Variants in TDRD3 observed in about 807,000 individuals in gnomAD.
TDRD3 encodes tudor domain containing 3.
Under a neutral mutation model 86.7 loss-of-function variants are expected in TDRD3, and 45 were observed. That is an observed-to-expected ratio of 0.52 (90% CI 0.41 to 0.67). The LOEUF is 0.67. Among genes scored for constraint, TDRD3 ranks in the 30% least tolerant of loss-of-function variants. TDRD3 has a pLI of 0.00. For missense variants in TDRD3, 814 were observed against 889.0 expected, an observed-to-expected ratio of 0.92 and a Z score of 1.07; for synonymous variants, 298 against 301.7, an observed-to-expected ratio of 0.99 and a Z score of 0.13.
intron 13 of TDRD3, among the ~76,000 whole-genome samples, chr13:60,569,991 G>A (rs1194102976): frequency 2.0e-5 from 3 of 152,146 alleles, no homozygotes; most frequent in Non-Finnish European, 4.4e-5. Context: ...AAACAGTCTA[G>A]GACATTGGTC....
intron 4 of TDRD3, among the ~76,000 whole-genome samples, chr13:60,465,925 T>C (rs1313439857): frequency 6.6e-6 from 1 of 152,174 alleles, no homozygotes; most frequent in African/African-American, 2.4e-5. Context: ...GCTTTTATTT[T>C]AGAACAGACC....
Position 60,494,477 on chromosome 13 carries a change from C to T in TDRD3, c.760C>T (p.Leu254Phe), listed in dbSNP as rs1359075525. ...GGGGGGARSN[L>F]NMNAAGNRNR... ...AGGTGGTGGTGGTGCTAGAAGTAAT[C>T]TCAATATGAATGCTGCTGGTAACCG... The change falls in exon 8 of 14, where the codon CTC becomes TTC. Residue 254 changes from leucine (L) to phenylalanine (F), a missense_variant. Transcript: ENST00000377881. The T allele has an allele frequency of 9.9e-6, 16 of 1,613,498 alleles. No homozygotes were observed. The highest frequency in any genetic ancestry group is 1.3e-5 in the Non-Finnish European group (15 of 1,179,766).
At chr13:60,455,765 A>T (rs1955654002) in intron 3 of TDRD3, among the ~76,000 whole-genome samples, 2 of 152,034 alleles carry the variant, frequency 1.3e-5, no homozygotes, top group Admixed American at 1.3e-4. Context: ...TCTCAAGAGA[A>T]TTAATAAGAT....
chr13:60,565,519 G>T (rs553300554), intron 12 of TDRD3, among the ~76,000 whole-genome samples: 27 of 152,214 alleles, frequency 1.8e-4, no homozygotes, highest in African/African-American at 6.0e-4. Flanking sequence ...ACAATAGATA[G>T]AAATAGATTT....
Position 60,503,048 on chromosome 13 carries a change from A to G in TDRD3, c.859-6715A>G, listed in dbSNP as rs559797107. Among the ~76,000 whole-genome samples, 13 of 152,344 alleles carry G rather than the reference A, an allele frequency of 8.5e-5. No individual in the cohort carries two copies. The South Asian group carries it at 2.5e-3, about 29-fold the overall frequency. On this transcript the variant is annotated intron_variant, in intron 8 of 13. Coordinates refer to ENST00000377881, the MANE Select transcript of TDRD3 (RefSeq NM_001146070.2). ...CTTATTCAATTATTAAAGGCTGTAA[A>G]TCGTTCAAAATAAGTTTCCTTGACT...
At chr13:60,428,988 AT>A (rs1373918980) in intron 1 of TDRD3, among the ~76,000 whole-genome samples, 1 of 152,166 alleles carries the variant, frequency 6.6e-6, no homozygotes, top group African/African-American at 2.4e-5. Flanking sequence ...ATAGAAAAAA[AT>A]ATCTAATTTA....
intron 1 of TDRD3, among the ~76,000 whole-genome samples, chr13:60,428,114 T>TTC (rs1954856230): frequency 6.6e-6 from 1 of 151,874 alleles, no homozygotes; most frequent in Non-Finnish European, 1.5e-5. Flanking sequence ...TGCCTCCAGC[T>TTC]TCATATGGCC....
At chr13:60,473,831 G>C (rs1956124896) in intron 5 of TDRD3, among the ~76,000 whole-genome samples, 1 of 152,186 alleles carries the variant, frequency 6.6e-6, no homozygotes, top group Non-Finnish European at 1.5e-5. Flanking sequence ...GCCCTCGCCT[G>C]GGAAGGTGCC....
intron 5 of TDRD3, among the ~76,000 whole-genome samples, chr13:60,473,924 C>T (rs567932303): frequency 6.6e-6 from 1 of 152,146 alleles, no homozygotes; most frequent in South Asian, 2.1e-4. Context: ...GAAAGGGAGT[C>T]TCCCTTTCCC....
intron 11 of TDRD3, among the ~76,000 whole-genome samples, chr13:60,529,587 A>T (rs1437550410): frequency 6.6e-6 from 1 of 152,176 alleles, no homozygotes; most frequent in Non-Finnish European, 1.5e-5. Context: ...ATCAGTTGAG[A>T]GGCACAAAGT....
intron 12 of TDRD3, among the ~76,000 whole-genome samples, chr13:60,552,936 C>T (rs2137909537): frequency 6.6e-6 from 1 of 152,330 alleles, no homozygotes; most frequent in African/African-American, 2.4e-5. Context: ...CAGCAGGGCC[C>T]TCCAGCCACA....
At position 60,528,408 on chromosome 13, in the gene TDRD3, A is replaced by G; in HGVS notation, c.1183A>G (p.Arg395Gly). 6.2e-7 allele frequency: 1 copy of G among 1,613,694 alleles called. No homozygotes were observed. Among genetic ancestry groups the G allele is most frequent in the Non-Finnish European group, 8.5e-7 (1 of 1,179,822 alleles). Residue 395 changes from arginine to glycine, a missense_variant, in exon 11 of 14, where the codon AGA becomes GGA. Arg to Gly is a moderately radical substitution (Grantham distance 125). Transcript: ENST00000377881. ...QPQQLHQGQY[R>G]SSNTEQNGVK... Reference sequence around the variant, plus strand: ...ACAGCAGCTTCATCAGGGACAATACAGATCATCAAATACTGAGCAAAATGG... The same window carrying G: ...ACAGCAGCTTCATCAGGGACAATACGGATCATCAAATACTGAGCAAAATGG...
Position 60,484,313 on chromosome 13 carries a change from A to G in TDRD3, c.567+467A>G, listed in dbSNP as rs190180296. 3.4e-3 allele frequency among the ~76,000 whole-genome samples: 520 copies of G among 152,250 alleles called. 1 individual carries two copies. Among genetic ancestry groups the G allele is most frequent in the Non-Finnish European group, 5.7e-3 (389 of 67,994 alleles). On this transcript the variant is annotated intron_variant, in intron 6 of 13. Transcript: ENST00000377881. ...TTCAGCATCAAATTGATTCTCAACAATCTTCTCCAGCCTGCTCTTGCTTTA... is the reference window on the plus strand; with the variant it reads ...TTCAGCATCAAATTGATTCTCAACAGTCTTCTCCAGCCTGCTCTTGCTTTA...
intron 1 of TDRD3, among the ~76,000 whole-genome samples, chr13:60,425,395 A>G (rs1181195124): frequency 6.6e-6 from 1 of 152,202 alleles, no homozygotes; most frequent in East Asian, 1.9e-4. Context: ...GAAACACCCT[A>G]GTACACCGTT....
intron 12 of TDRD3, among the ~76,000 whole-genome samples, chr13:60,561,888 T>C (rs1566307149): frequency 6.6e-6 from 1 of 151,868 alleles, no homozygotes; most frequent in Non-Finnish European, 1.5e-5. Flanking sequence ...GTTGTTGTTG[T>C]TGTTGTTTGT....
At chr13:60,483,707 A>T in intron 5 of TDRD3, 68 bp from the exon 6 acceptor site, 1 of 1,434,210 alleles carries the variant, frequency 7.0e-7, no homozygotes, top group Non-Finnish European at 9.5e-7. Flanking sequence ...GATTCCTGTT[A>T]CATTATAAAT....
At chr13:60,461,064 A>T (rs1955792904) in intron 4 of TDRD3, 1 of 152,074 alleles carries the variant, frequency 6.6e-6, no homozygotes, top group Admixed American at 6.6e-5. Flanking sequence ...TTACTTCTTG[A>T]TTGAATGTTA....
intron 8 of TDRD3, among the ~76,000 whole-genome samples, chr13:60,507,369 C>T (rs910355130): frequency 4.6e-5 from 7 of 152,148 alleles, no homozygotes; most frequent in Admixed American, 6.5e-5. Context: ...ACAGAACTCT[C>T]CACCTCTAAT....
At chr13:60,573,376 G>A (rs1958631109) in intron 13 of TDRD3, among the ~76,000 whole-genome samples, 1 of 152,100 alleles carries the variant, frequency 6.6e-6, no homozygotes, top group African/African-American at 2.4e-5. Flanking sequence ...AACAGTGGCA[G>A]AGATGTACTT....
Sources: allele counts gnomAD v4.1 joint callset (sites outside exome capture counted in the v4.1 genomes callset), GRCh38; gene constraint gnomAD v4.1.1; transcripts MANE v1.5; gene names NCBI Gene and HGNC (gene_info 2026-07-23, HGNC 2026-07-21).